CHN2: variants seen among roughly 807,000 people sequenced by gnomAD.
CHN2 encodes the protein chimerin 2.
Under a neutral mutation model 56.3 loss-of-function variants are expected in CHN2, and 35 were observed. That is an observed-to-expected ratio of 0.62 (90% CI 0.47 to 0.82). The LOEUF is 0.82. Ranked by LOEUF, CHN2 falls within the 40% of genes least tolerant of loss-of-function variation. The pLI, the probability that CHN2 is intolerant of heterozygous loss-of-function variation, is 0.00. For synonymous variants in CHN2, 210 were observed against 212.8 expected, an observed-to-expected ratio of 0.99 and a Z score of 0.12; for missense variants, 491 against 580.5, an observed-to-expected ratio of 0.85 and a Z score of 1.58.
At chr7:29,369,614 G>GA (rs1433440580) in intron 3 of CHN2, among the ~76,000 whole-genome samples, 2 of 152,144 alleles carry the variant, frequency 1.3e-5, no homozygotes, top group South Asian at 2.1e-4. Flanking sequence ...GAGATAGAGA[G>GA]AAAAAACCTC....
At chr7:29,472,036 A>G (rs1362362) in intron 6 of CHN2, among the ~76,000 whole-genome samples, 82,759 of 151,938 alleles carry the variant, frequency 0.54, 22,908 homozygotes, top group African/African-American at 0.62. Context: ...GGCAGTATGC[A>G]AGAGGGTTCA....
chr7:29,486,502 A>G (rs745739322), intron 7 of CHN2, among the ~76,000 whole-genome samples: 3 of 152,188 alleles, frequency 2.0e-5, no homozygotes, highest in Non-Finnish European at 4.4e-5. Context: ...GTGACTGTGC[A>G]GTGCTACCCC....
intron 6 of CHN2, among the ~76,000 whole-genome samples, chr7:29,474,079 T>C (rs1442242389): frequency 2.6e-5 from 4 of 152,206 alleles, no homozygotes; most frequent in African/African-American, 9.6e-5. Context: ...ATTTTGAATA[T>C]ATTTTGGTGT....
At chr7:29,368,077 G>T in intron 3 of CHN2, 90 bp downstream of exon 3, 1 of 1,077,614 alleles carries the variant, frequency 9.3e-7, no homozygotes, top group Non-Finnish European at 1.3e-6. Context: ...GGTTTCCTGG[G>T]AGTTGATTTC....
At chr7:29,170,044 G>C (rs1393483672) in intron 2 of CHN2, among the ~76,000 whole-genome samples, 1 of 151,974 alleles carries the variant, frequency 6.6e-6, no homozygotes, top group South Asian at 2.1e-4. Context: ...CCCAGCTGTG[G>C]TGTCCTTTTG....
At chr7:29,374,778 TC>T in intron 3 of CHN2, among the ~76,000 whole-genome samples, 1 of 152,254 alleles carries the variant, frequency 6.6e-6, no homozygotes, top group South Asian at 2.1e-4. Context: ...CTTCAATCTC[TC>T]TGGGTGATTT....
intron 1 of CHN2, among the ~76,000 whole-genome samples, chr7:29,241,306 AG>A (rs1228636985): frequency 4.6e-5 from 7 of 152,102 alleles, no homozygotes; most frequent in African/African-American, 1.7e-4. Flanking sequence ...AAGGAAGAAA[AG>A]GGGGGAAACA....
Position 29,353,101 on chromosome 7 carries a change from G to C in CHN2, c.50-1524G>C, listed in dbSNP as rs146362016. On this transcript the variant is annotated intron_variant, in intron 1 of 12. Coordinates refer to ENST00000222792, the MANE Select transcript of CHN2 (RefSeq NM_004067.4). ...TGCCTAGGTGGCTGACTATCCCTCT[G>C]TAGGTTCTTGACAATTCAAGCCTAA... 1.4e-4 allele frequency among the ~76,000 whole-genome samples: 21 copies of C among 152,308 alleles called. No individual in the cohort carries two copies. In the East Asian group the frequency reaches 3.5e-3, roughly 25 times the overall value.
chr7:29,360,414 G>A (rs561361172), intron 2 of CHN2, among the ~76,000 whole-genome samples: 176 of 152,248 alleles, frequency 1.2e-3, no homozygotes, highest in African/African-American at 4.0e-3. Context: ...CCAGCTTCTC[G>A]GGAGGCTGAG....
chr7:29,214,292 T>G (rs35741302), intron 1 of CHN2, among the ~76,000 whole-genome samples: 20,127 of 152,084 alleles, frequency 0.13, 1,701 homozygotes, highest in Non-Finnish European at 0.19. Context: ...CCCAGCAGCA[T>G]CCCTCACATT....
Position 29,302,127 on chromosome 7 carries a change from A to G in CHN2, c.50-52498A>G, listed in dbSNP as rs956482666. ...TGACCCGTGGCTGTCTCTCTCTAAC[A>G]GAGTGATCTCTAGAGCTACAGTTTA... On this transcript the variant is annotated intron_variant, in intron 1 of 12. Transcript: ENST00000222792. Among the ~76,000 whole-genome samples, 6 of 152,230 alleles carry G rather than the reference A, an allele frequency of 3.9e-5. No individual in the cohort carries two copies. In the East Asian group the frequency reaches 1.2e-3, roughly 29 times the overall value.
At chr7:29,491,708 A>G (rs1192261340) in intron 7 of CHN2, among the ~76,000 whole-genome samples, 1 of 152,196 alleles carries the variant, frequency 6.6e-6, no homozygotes, top group Non-Finnish European at 1.5e-5. Flanking sequence ...ACCCAGCCAT[A>G]TATTCTTTTT....
At chr7:29,512,452 T>TTCTTGCA in intron 12 of CHN2, 112 bp from the exon 13 acceptor site, 8 of 915,214 alleles carry the variant, frequency 8.7e-6, no homozygotes, top group Non-Finnish European at 1.3e-5. Context: ...CCCAATCTTT[T>TTCTTGCA]TCTTGCAATT....
intron 6 of CHN2, among the ~76,000 whole-genome samples, chr7:29,419,412 A>G (rs943184877): frequency 6.6e-6 from 1 of 152,222 alleles, no homozygotes; most frequent in African/African-American, 2.4e-5. Context: ...GCTCCATGAT[A>G]TTGGGGCTGG....
intron 1 of CHN2, among the ~76,000 whole-genome samples, chr7:29,346,280 A>G (rs773255913): frequency 1.3e-5 from 2 of 152,222 alleles, no homozygotes. Flanking sequence ...TGTATGTATC[A>G]AAGACATATT....
At chr7:29,155,032 C>T (rs867437867) in intron 2 of CHN2, among the ~76,000 whole-genome samples, 127 of 152,124 alleles carry the variant, frequency 8.3e-4, no homozygotes, top group African/African-American at 3.0e-3. Flanking sequence ...AAACTCCCCT[C>T]TTTAAAACCA....
intron 1 of CHN2, among the ~76,000 whole-genome samples, chr7:29,219,372 GA>G (rs1785596116): frequency 6.6e-6 from 1 of 151,894 alleles, no homozygotes; most frequent in Non-Finnish European, 1.5e-5. Context: ...TAATAAGGGA[GA>G]AAAAATATTT....
chr7:29,358,426 AAATT>A (rs1238700477), intron 2 of CHN2, among the ~76,000 whole-genome samples: 1 of 151,998 alleles, frequency 6.6e-6, no homozygotes, highest in African/African-American at 2.4e-5. Context: ...AAATAAAAGA[AAATT>A]AGTCAATTTC....
At chr7:29,338,735 T>A (rs935698235) in intron 1 of CHN2, among the ~76,000 whole-genome samples, 1 of 152,166 alleles carries the variant, frequency 6.6e-6, no homozygotes, top group African/African-American at 2.4e-5. Context: ...AGTGCCACCA[T>A]GCCTGGCTAA....
Sources: gnomAD v4.1 joint callset for allele counts (sites outside exome capture counted in the v4.1 genomes callset) on GRCh38, gnomAD v4.1.1 for gene constraint, MANE v1.5 for transcripts, NCBI Gene and HGNC (gene_info 2026-07-23, HGNC 2026-07-21) for gene names.